The following KIF14 variants were observed in gnomAD, a reference collection of about 807,000 sequenced individuals.
KIF14 encodes the protein kinesin-like protein KIF14.
KIF14 carries 98 observed loss-of-function variants against 176.2 expected under a neutral mutation model. The observed-to-expected ratio is 0.56, with a 90% CI of 0.47 to 0.66. The LOEUF (loss-of-function observed/expected upper bound fraction) is 0.66. Ranked by LOEUF, KIF14 falls within the 30% of genes least tolerant of loss-of-function variation. The probability of loss-of-function intolerance (pLI) is 0.00; values close to 1 mark genes in which losing one functional copy is unlikely to be tolerated. For missense variants in KIF14, 1,751 were observed against 1,920.4 expected, an observed-to-expected ratio of 0.91 and a Z score of 1.65; for synonymous variants, 566 against 632.2, an observed-to-expected ratio of 0.90 and a Z score of 1.57.
chr1:200,598,478 C>T (rs1296453943), intron 13 of KIF14, 57 bp from the exon 14 acceptor site: 1 of 1,308,610 alleles, frequency 7.6e-7, no homozygotes, highest in Non-Finnish European at 1.1e-6. Flanking sequence ...TTGTTAAATT[C>T]ACCTAAAACA....
In KIF14 at chr1:200,618,128, GTTTC is replaced by G; in HGVS notation, c.592_595del (p.Glu198HisfsTer26). The G allele has an allele frequency of 2.5e-6, 4 of 1,613,990 alleles. No individual in the cohort carries two copies. The highest frequency in any genetic ancestry group is 2.5e-6 in the Non-Finnish European group (3 of 1,180,000). On this transcript the variant is annotated frameshift_variant, in exon 2 of 30. Coordinates refer to ENST00000367350, the MANE Select transcript of KIF14 (RefSeq NM_014875.3). LOFTEE classifies it high-confidence loss of function. ...ATTTGCTCTACTGGGGGCAGAAAAT[GTTTC>G]TTTGTATTTCTTATCAGCCATCATT...
intron 18 of KIF14, among the ~76,000 whole-genome samples, 178 bp from the exon 19 acceptor site, chr1:200,586,405 AC>A (rs1394044355): frequency 1.3e-5 from 2 of 148,812 alleles, no homozygotes; most frequent in East Asian, 1.9e-4. Context: ...TTTTAAAAAA[AC>A]AGATTGATAA....
At position 200,559,478 on chromosome 1, in the gene KIF14, T is replaced by C. The variant is rs1368045146; in HGVS notation, c.4231-26A>G. 2.1e-6 allele frequency: 3 copies of C among 1,405,072 alleles called. 1 individual carries two copies. The Admixed American group carries it at 7.7e-5, about 36-fold the overall frequency. 87.0% of individuals were successfully genotyped at this position (1,405,072 alleles called of 1,614,324 possible). On this transcript the variant is annotated intron_variant, in intron 26 of 29. Coordinates refer to ENST00000367350, the MANE Select transcript of KIF14 (RefSeq NM_014875.3). ...CTAGAAAAAGAATTTAAGCATTAACTAGAAAATTTAGGTTTTATGTATTTT... is the reference window on the plus strand; with the variant it reads ...CTAGAAAAAGAATTTAAGCATTAACCAGAAAATTTAGGTTTTATGTATTTT...
chr1:200,613,907 T>C (rs2102774707), intron 4 of KIF14, among the ~76,000 whole-genome samples: 1 of 152,336 alleles, frequency 6.6e-6, no homozygotes, highest in Non-Finnish European at 1.5e-5. Context: ...GCATGGCTTT[T>C]GAAGTCAACT....
At chr1:200,578,209 A>C (rs1015938703) in intron 21 of KIF14, among the ~76,000 whole-genome samples, 1 of 152,056 alleles carries the variant, frequency 6.6e-6, no homozygotes, top group Admixed American at 6.6e-5. Flanking sequence ...ATATTTATTA[A>C]TTTCTAATTC....
At position 200,553,682 on chromosome 1, in the gene KIF14, C is replaced by T; in HGVS notation, c.4653G>A (p.Val1551=). Residue 1551 remains valine (V), a synonymous_variant, in exon 30 of 30, where the codon GTG becomes GTA. Coordinates refer to ENST00000367350, the MANE Select transcript of KIF14 (RefSeq NM_014875.3). ...LASDFYSDFS[V]PSTSVGSYES... is the part of the protein sequence containing the mutation. ...CATAGCTGCCAACAGAAGTAGAAGGCACACTGAAGTCACTGTAAAAATCAC... is the reference window on the plus strand; with the variant it reads ...CATAGCTGCCAACAGAAGTAGAAGGTACACTGAAGTCACTGTAAAAATCAC... 1 of 1,613,802 alleles carries T rather than the reference C, an allele frequency of 6.2e-7. No homozygotes were observed. Among genetic ancestry groups the T allele is most frequent in the Non-Finnish European group, 8.5e-7 (1 of 1,179,810 alleles).
At chr1:200,602,310 G>A (rs1011633882) in intron 10 of KIF14, among the ~76,000 whole-genome samples, 1 of 152,084 alleles carries the variant, frequency 6.6e-6, no homozygotes, top group Non-Finnish European at 1.5e-5. Flanking sequence ...AAAATGTGGT[G>A]GATCATCAAG....
In KIF14 at chr1:200,573,427, C is replaced by CTTTTTTTTTTTTTTTTTTTTTTTTT. The variant is rs869174532; in HGVS notation, c.3566+2163_3566+2164insAAAAAAAAAAAAAAAAAAAAAAAAA. 8.4e-4 allele frequency among the ~76,000 whole-genome samples: 65 copies of CTTTTTTTTTTTTTTTTTTTTTTTTT among 77,734 alleles called. 5 individuals are homozygous for CTTTTTTTTTTTTTTTTTTTTTTTTT. The highest frequency in any genetic ancestry group is 1.4e-3 in the African/African-American group (24 of 17,554). The allele number at this position is 77,734 out of a possible 152,430, so 51.0% of individuals were successfully genotyped here. ...TTCCCTACACTCAAGGAGCTCATTT[C>CTTTTTTTTTTTTTTTTTTTTTTTTT]TTTTTTTTTTTTTTTTTTTTTTTTG... On this transcript the variant is annotated intron_variant, in intron 22 of 29. Coordinates refer to ENST00000367350, the MANE Select transcript of KIF14 (RefSeq NM_014875.3).
rs28497806 is a variant in KIF14 at position 200,580,532 on chromosome 1, C to T, written c.3336-149G>A. On this transcript the variant is annotated intron_variant, in intron 20 of 29. Coordinates refer to ENST00000367350, the MANE Select transcript of KIF14 (RefSeq NM_014875.3). Reference sequence around the variant, plus strand: ...TAAGTATTTTTATTATAGTAATAATCATATAAGTATAAAACATATAAAAAT... The same window carrying T: ...TAAGTATTTTTATTATAGTAATAATTATATAAGTATAAAACATATAAAAAT... 2,220 of 376,558 alleles carry T rather than the reference C, an allele frequency of 5.9e-3. 57 individuals carry two copies. Among genetic ancestry groups the T allele is most frequent in the African/African-American group, 0.042 (2,005 of 47,306 alleles). 23.3% of individuals were successfully genotyped at this position (376,558 alleles called of 1,614,324 possible).
chr1:200,563,970 G>A (rs936490755), intron 25 of KIF14, among the ~76,000 whole-genome samples: 1 of 152,028 alleles, frequency 6.6e-6, no homozygotes, highest in Non-Finnish European at 1.5e-5. Flanking sequence ...CTTAAAAGAA[G>A]GCAAACTTCA....
chr1:200,605,140 G>T, intron 8 of KIF14, 143 bp downstream of exon 8: 1 of 722,694 alleles, frequency 1.4e-6, no homozygotes, highest in Non-Finnish European at 2.4e-6. Context: ...TTACTATCTT[G>T]CCTGTGGAAA....
intron 11 of KIF14, 78 bp downstream of exon 11, chr1:200,601,818 T>A (rs1209235929): frequency 2.7e-6 from 3 of 1,096,644 alleles, no homozygotes; most frequent in Non-Finnish European, 4.0e-6. Context: ...GTTCATAAAT[T>A]ACATATTTTA....
chr1:200,578,440 G>A (rs190380703), intron 21 of KIF14, among the ~76,000 whole-genome samples: 13 of 152,102 alleles, frequency 8.5e-5, no homozygotes, highest in Admixed American at 1.3e-4. Context: ...ACAAATAGTA[G>A]CAATGCAACA....
chr1:200,581,312 GA>G lies in KIF14; in HGVS notation c.3242-19del. On this transcript the variant is annotated intron_variant, in intron 19 of 29. Coordinates refer to ENST00000367350, the MANE Select transcript of KIF14 (RefSeq NM_014875.3). ...TGTCTGCACTAATACAAAGCACACA[GA>G]AAAGATTCAAAATACATACATGGAC... 1 of 1,479,060 alleles carries G rather than the reference GA, an allele frequency of 6.8e-7. No homozygotes were observed. Among genetic ancestry groups the G allele is most frequent in the Non-Finnish European group, 9.2e-7 (1 of 1,083,310 alleles). The allele number at this position is 1,479,060 out of a possible 1,614,324, so 91.6% of individuals were successfully genotyped here. A position where few individuals can be genotyped will look rare whatever the true frequency, so the allele number is the denominator to read the frequency against.
chr1:200,619,912 C>G (rs564031652), intron 1 of KIF14, among the ~76,000 whole-genome samples: 65 of 152,298 alleles, frequency 4.3e-4, no homozygotes, highest in Middle Eastern at 3.4e-3. Flanking sequence ...GCAGTGACAG[C>G]TAAGAGACCT....
At chr1:200,583,804 T>C (rs1164638917) in intron 19 of KIF14, among the ~76,000 whole-genome samples, 4 of 150,976 alleles carry the variant, frequency 2.6e-5, no homozygotes. Flanking sequence ...TAGCTGGGCA[T>C]GGTGGTGCAT....
rs748834195 is a variant in KIF14, at chr1:200,557,639, T to C, written c.4353+1691A>G. Among the ~76,000 whole-genome samples the C allele has an allele frequency of 8.5e-5, 13 of 152,270 alleles. No homozygotes were observed. The South Asian group carries it at 1.7e-3, about 19-fold the overall frequency. ...GAGAAATCTGTATAACCCTGTAGTATGAGCAAAGGGATGGAGAATCTCTGT... is the reference window on the plus strand; with the variant it reads ...GAGAAATCTGTATAACCCTGTAGTACGAGCAAAGGGATGGAGAATCTCTGT... On this transcript the variant is annotated intron_variant, in intron 27 of 29. Coordinates refer to ENST00000367350, the MANE Select transcript of KIF14 (RefSeq NM_014875.3).
intron 26 of KIF14, among the ~76,000 whole-genome samples, chr1:200,560,066 AC>A (rs1472127983): frequency 4.6e-5 from 7 of 152,046 alleles, no homozygotes. Flanking sequence ...GAACACAGCA[AC>A]ATTCTAATAT....
chr1:200,600,963 A>T (rs1206654740), intron 11 of KIF14, among the ~76,000 whole-genome samples: 1 of 151,344 alleles, frequency 6.6e-6, no homozygotes, highest in Non-Finnish European at 1.5e-5. Context: ...GCTCATTGCA[A>T]CCTCCGCCTC....
Sources: allele counts gnomAD v4.1 joint callset (sites outside exome capture counted in the v4.1 genomes callset), GRCh38; gene constraint gnomAD v4.1.1; transcripts MANE v1.5; gene names NCBI Gene and HGNC (gene_info 2026-07-23, HGNC 2026-07-21).